Variants in FGFR1 observed in about 807,000 individuals in gnomAD.
FGFR1 encodes the protein fibroblast growth factor receptor 1.
Under a neutral mutation model 93.7 loss-of-function variants are expected in FGFR1, and 18 were observed. That is an observed-to-expected ratio of 0.19 (90% CI 0.13 to 0.28). The LOEUF is 0.28. Among genes scored for constraint, FGFR1 ranks in the 10% least tolerant of loss-of-function variants. FGFR1 has a pLI of 1.00. For synonymous variants in FGFR1, 448 were observed against 429.3 expected (o/e 1.04, Z -0.54); for missense variants, 731 against 1,080.4 (o/e 0.68, Z 4.53).
rs150495210 is a variant in FGFR1 at position 38,449,656 on chromosome 8, C to A, written c.91+7700G>T. On this transcript the variant is annotated intron_variant, in intron 2 of 17. Transcript: ENST00000447712. ...GGCCTGGGAACACAAATGGCACAGC[C>A]CCCACCCCACCTTTTACACAACCCA... Among the ~76,000 whole-genome samples the A allele has an allele frequency of 7.8e-3, 1,124 of 143,696 alleles. 11 individuals are homozygous for A. In the Middle Eastern group the frequency reaches 0.079, roughly 10 times the overall value. The allele number at this position is 143,696 out of a possible 152,430, so 94.3% of individuals were successfully genotyped here.
chr8:38,414,878 G>A lies in FGFR1; in HGVS notation c.1878C>T (p.Ala626=). 2 of 1,613,722 alleles carry A rather than the reference G, an allele frequency of 1.2e-6. No homozygotes were observed. Among genetic ancestry groups the A allele is most frequent in the Non-Finnish European group, 1.7e-6 (2 of 1,179,960 alleles). The change falls in exon 14 of 18, where the codon GCC becomes GCT. Residue 626 remains alanine, a synonymous_variant. Transcript: ENST00000447712. ...TGTCCTCTGTCACCAGGACATTCCT[G>A]GCTGCCAGGTCTCGGTGTATGCACT... ...SKKCIHRDLA[A]RNVLVTEDNV... is the part of the protein sequence containing the mutation.
chr8:38,420,292 G>A (rs191934293), intron 8 of FGFR1: 1 of 161,640 alleles, frequency 6.2e-6, no homozygotes, highest in Non-Finnish European at 1.4e-5. Flanking sequence ...GAGGACAGAG[G>A]ACAGGAGGGG....
At chr8:38,416,092 A>G in intron 12 of FGFR1, 32 bp from the exon 13 acceptor site, 1 of 1,591,104 alleles carries the variant, frequency 6.3e-7, no homozygotes, top group Non-Finnish European at 8.5e-7. Context: ...CCATGGGGCC[A>G]GCAGCAGGTG....
In FGFR1 at chr8:38,424,304, G is replaced by C; in HGVS notation, c.936+205C>G. 1.4e-6 allele frequency: 1 copy of C among 721,692 alleles called. No homozygotes were observed. Among genetic ancestry groups the C allele is most frequent in the South Asian group, 1.5e-5 (1 of 66,900 alleles). 44.7% of individuals were successfully genotyped at this position (721,692 alleles called of 1,614,324 possible). A position where few individuals can be genotyped will look rare whatever the true frequency, so the allele number is the denominator to read the frequency against. On this transcript the variant is annotated intron_variant, in intron 7 of 17. Transcript: ENST00000447712. This position sits in a 1 kb window ranked among gnomAD's most constrained non-coding sequence, Gnocchi z 4.3. Reference sequence around the variant, plus strand: ...GCACCACCCATCCCTGCAGCCCTCTGTTCCCAGCTCACCTCCACTTTGTGA... The same window carrying C: ...GCACCACCCATCCCTGCAGCCCTCTCTTCCCAGCTCACCTCCACTTTGTGA...
chr8:38,413,945 G>T lies in FGFR1; in HGVS notation c.2265C>A (p.Asp755Glu). The change falls in exon 17 of 18, where the codon GAC becomes GAA. Residue 755 changes from aspartate (D) to glutamate (E), a missense_variant. By Grantham distance (45) the Asp-to-Glu change is conservative (BLOSUM62 2). This residue lies in a region of FGFR1 where 79 missense variants were observed against 97.2 expected (regional missense o/e 0.81). Coordinates refer to ENST00000447712, the MANE Select transcript of FGFR1 (RefSeq NM_023110.3). This position sits in a 1 kb window ranked among gnomAD's most constrained non-coding sequence, Gnocchi z 4.2. Reference sequence around the variant, plus strand: ...GGTTGGAGGTCAAGGCCACGATGCGGTCCAGGTCTTCCACCAGCTGCTTGA... The same window carrying T: ...GGTTGGAGGTCAAGGCCACGATGCGTTCCAGGTCTTCCACCAGCTGCTTGA... ...PTFKQLVEDL[D>E]RIVALTSNQE... is the part of the protein sequence containing the mutation. 6.2e-7 allele frequency: 1 copy of T among 1,614,058 alleles called. No individual in the cohort carries two copies. Among genetic ancestry groups the T allele is most frequent in the Non-Finnish European group, 8.5e-7 (1 of 1,179,976 alleles).
At chr8:38,427,819 T>C in intron 5 of FGFR1, 102 bp downstream of exon 5, 2 of 1,294,314 alleles carry the variant, frequency 1.5e-6, no homozygotes, top group South Asian at 2.4e-5. Flanking sequence ...CCTGTATAGG[T>C]GGAAAGTATT....
At chr8:38,464,126 C>T (rs575315601) in intron 1 of FGFR1, among the ~76,000 whole-genome samples, 1 of 152,094 alleles carries the variant, frequency 6.6e-6, no homozygotes, top group East Asian at 1.9e-4. Context: ...CCCAGCCTGG[C>T]CAACATGGTG....
rs984502740 is a variant in FGFR1 at position 38,419,694 on chromosome 8, G to C, written c.1123C>G (p.Leu375Val). 4 of 1,614,142 alleles carry C rather than the reference G, an allele frequency of 2.5e-6. No homozygotes were observed. Among genetic ancestry groups the C allele is most frequent in the Non-Finnish European group, 3.4e-6 (4 of 1,180,018 alleles). Residue 375 changes from leucine (L) to valine (V), a missense_variant, in exon 9 of 18, where the codon CTG becomes GTG. Coordinates refer to ENST00000447712, the MANE Select transcript of FGFR1 (RefSeq NM_023110.3). Reference protein sequence around the residue: ...RPAVMTSPLYLEIIIYCTGAF... With the variant: ...RPAVMTSPLYVEIIIYCTGAF... ...CCTGTGCAATAGATGATGATCTCCA[G>C]GTACAGGGGCGAGGTCATCACTGCC...
At chr8:38,423,260 G>A (rs1819470121) in intron 7 of FGFR1, 1 of 734,294 alleles carries the variant, frequency 1.4e-6, no homozygotes, top group Non-Finnish European at 2.5e-6. Flanking sequence ...TTTCAGGCAG[G>A]CCCAGGGAGC....
chr8:38,429,432 C>A lies in FGFR1; in HGVS notation c.358+250G>T, dbSNP rs1400722337. On this transcript the variant is annotated intron_variant, in intron 3 of 17. Transcript: ENST00000447712. The surrounding 1 kb of genome is among the most constrained non-coding windows in gnomAD (Gnocchi z 4.4). ...TCACAGGGTCTTAACATCCCAAGAG[C>A]CCTGGCAATCACCTCCGAGGTGTGT... 2.9e-6 allele frequency: 2 copies of A among 699,296 alleles called. No individual in the cohort carries two copies. The highest frequency in any genetic ancestry group is 2.7e-5 in the East Asian group (1 of 36,732). 43.3% of individuals were successfully genotyped at this position (699,296 alleles called of 1,614,324 possible).
chr8:38,420,006 G>A (rs973389325), intron 8 of FGFR1: 5 of 475,412 alleles, frequency 1.1e-5, no homozygotes, highest in Non-Finnish European at 1.9e-5. Context: ...TAATTCCTGA[G>A]CCTCCTTGCT....
Position 38,418,308 on chromosome 8 carries a change from G to A in FGFR1, c.1350C>T (p.Ser450=), listed in dbSNP as rs1043134057. 4 of 1,614,208 alleles carry A rather than the reference G, an allele frequency of 2.5e-6. No homozygotes were observed. The highest frequency in any genetic ancestry group is 1.1e-5 in the South Asian group (1 of 91,088). ...CTGCTAGCATGGGAGTCCCACTGGA[G>A]GAGAGCCGTGATGGCCGAACCAGAA... is the stretch of plus-strand genomic sequence containing the variant. The part of the protein sequence containing the change: ...GVLLVRPSRL[S]SSGTPMLAGV... Residue 450 remains serine (S), a synonymous_variant, in exon 10 of 18, where the codon TCC becomes TCT. Transcript: ENST00000447712.
In FGFR1 at chr8:38,414,625, C is replaced by T. The variant is rs1257312391; in HGVS notation, c.1982G>A (p.Arg661Gln). 1.2e-6 allele frequency: 2 copies of T among 1,613,822 alleles called. No homozygotes were observed. The highest frequency in any genetic ancestry group is 2.2e-5 in the East Asian group (1 of 44,862). ...GGGTGCCATCCACTTCACAGGCAGT[C>T]GGCCCTGAAAGCAGCACAGGGGAGG... ...IDYYKKTTNGRLPVKWMAPEA... is the reference protein window; with the variant it reads ...IDYYKKTTNGQLPVKWMAPEA... Residue 661 changes from arginine (R) to glutamine (Q), a missense_variant, in exon 15 of 18, where the codon CGA (arginine) becomes CAA (glutamine). Physicochemically the swap from Arg to Gln is conservative, Grantham distance 43. Coordinates refer to ENST00000447712, the MANE Select transcript of FGFR1 (RefSeq NM_023110.3).
intron 2 of FGFR1, among the ~76,000 whole-genome samples, chr8:38,445,116 G>C: frequency 6.6e-6 from 1 of 151,964 alleles, no homozygotes; most frequent in East Asian, 1.9e-4. Context: ...CTTGTGAGAT[G>C]ATAGAGGGGC....
At chr8:38,465,778 C>G (rs546182023) in intron 1 of FGFR1, 61 of 217,728 alleles carry the variant, frequency 2.8e-4, no homozygotes, top group Non-Finnish European at 5.2e-4. Flanking sequence ...GAGCCCGGGC[C>G]AAGGGAGGAA....
chr8:38,411,286 CTT>C lies in FGFR1; in HGVS notation c.*2340_*2341del, dbSNP rs1563411441. 2 of 210,322 alleles carry C rather than the reference CTT, an allele frequency of 9.5e-6. No homozygotes were observed. Among genetic ancestry groups the C allele is most frequent in the East Asian group, 1.4e-4 (2 of 13,942 alleles). 13.0% of individuals were successfully genotyped at this position (210,322 alleles called of 1,614,324 possible). The stretch of plus-strand genomic sequence containing the variant: ...CACCTCTCCCAAGGACTTATGAAGA[CTT>C]TTAGATTCTTCATCCCTTCACACAA... On this transcript the variant is annotated 3_prime_UTR_variant, in exon 18 of 18. Coordinates refer to ENST00000447712, the MANE Select transcript of FGFR1 (RefSeq NM_023110.3).
chr8:38,439,928 G>A (rs983085939), intron 2 of FGFR1, among the ~76,000 whole-genome samples: 1 of 152,094 alleles, frequency 6.6e-6, no homozygotes, highest in Non-Finnish European at 1.5e-5. Context: ...CCTACTCTAC[G>A]TTCTACACTC....
At position 38,468,093 on chromosome 8, in the gene FGFR1, G is replaced by T. The variant is rs1278345435; in HGVS notation, c.-201C>A. On this transcript the variant is annotated 5_prime_UTR_variant, in exon 1 of 18. Coordinates refer to ENST00000447712, the MANE Select transcript of FGFR1 (RefSeq NM_023110.3). ...CGCCCCCGGGCTCTGTTCGGGTCCT[G>T]GCGGGGTCGCAAGAGCTCCGCGGCC... 8.9e-6 allele frequency: 2 copies of T among 225,276 alleles called. No homozygotes were observed. Among genetic ancestry groups the T allele is most frequent in the Non-Finnish European group, 1.8e-5 (2 of 112,888 alleles). 14.0% of individuals were successfully genotyped at this position (225,276 alleles called of 1,614,324 possible).
intron 1 of FGFR1, chr8:38,461,036 G>C (rs2151423929): frequency 6.5e-7 from 1 of 1,531,872 alleles, no homozygotes; most frequent in African/African-American, 1.4e-5. Flanking sequence ...GTCCTCGGTG[G>C]GGAGCAGAGA....
Sources: gnomAD v4.1 joint callset for allele counts (sites outside exome capture counted in the v4.1 genomes callset) on GRCh38, gnomAD v4.1.1 for gene constraint, gnomAD v4.1.1 regional missense constraint, Gnocchi (gnomAD v3.1) non-coding constraint, MANE v1.5 for transcripts, NCBI Gene and HGNC (gene_info 2026-07-23, HGNC 2026-07-21) for gene names.